Variants in ARHGAP42 observed in about 807,000 individuals in gnomAD.
ARHGAP42 encodes the protein rho GTPase-activating protein 42.
ARHGAP42 carries 63 observed loss-of-function variants against 125.0 expected under a neutral mutation model. The observed-to-expected ratio is 0.50, with a 90% CI of 0.41 to 0.62. The LOEUF (loss-of-function observed/expected upper bound fraction) is 0.62. ARHGAP42 is among the 20% of genes least tolerant of loss of function. The probability of loss-of-function intolerance (pLI) is 0.00; values close to 1 mark genes in which losing one functional copy is unlikely to be tolerated. For missense variants in ARHGAP42, 766 were observed against 1,024.2 expected, an observed-to-expected ratio of 0.75 and a Z score of 3.44; for synonymous variants, 339 against 351.0, an observed-to-expected ratio of 0.97 and a Z score of 0.38.
chr11:100,953,170 G>T (rs61567166), intron 12 of ARHGAP42, among the ~76,000 whole-genome samples: 1,547 of 152,042 alleles, frequency 0.01, 27 homozygotes, highest in African/African-American at 0.036. Flanking sequence ...CTCCCCTAAA[G>T]GTAGCATTGC....
chr11:100,840,730 G>T (rs1337144634), intron 3 of ARHGAP42: 1 of 152,136 alleles, frequency 6.6e-6, no homozygotes, highest in African/African-American at 2.4e-5. Flanking sequence ...TTCATGTAAT[G>T]CTATCCATTT....
intron 16 of ARHGAP42, among the ~76,000 whole-genome samples, chr11:100,963,324 A>G (rs1407206905): frequency 6.6e-6 from 1 of 152,226 alleles, no homozygotes; most frequent in Non-Finnish European, 1.5e-5. Context: ...GGAAGAGTTG[A>G]CATATGTTAT....
intron 1 of ARHGAP42, among the ~76,000 whole-genome samples, chr11:100,737,930 C>T (rs1715957006): frequency 6.6e-6 from 1 of 152,134 alleles, no homozygotes; most frequent in African/African-American, 2.4e-5. Context: ...GGCACGTGGT[C>T]ATTTCTTTTT....
intron 1 of ARHGAP42, among the ~76,000 whole-genome samples, chr11:100,761,772 G>C (rs1316722992): frequency 6.6e-6 from 1 of 152,248 alleles, no homozygotes; most frequent in East Asian, 1.9e-4. Context: ...TTCATATTCT[G>C]TATTTGCCAT....
In ARHGAP42 at chr11:100,889,477, G is replaced by A. The variant is rs1326380493; in HGVS notation, c.385-23975G>A. 1.1e-4 allele frequency among the ~76,000 whole-genome samples: 16 copies of A among 152,130 alleles called. 1 individual carries two copies. Among genetic ancestry groups the A allele is most frequent in the Admixed American group, 1.0e-3 (16 of 15,274 alleles). On this transcript the variant is annotated intron_variant, in intron 4 of 23. Transcript: ENST00000298815. ...CTCCCAGGATACCAAACCTCCTACT[G>A]CCTTCATCTTGGACTTCTCACTTCC...
At chr11:100,796,858 C>G (rs1863729841) in intron 3 of ARHGAP42, among the ~76,000 whole-genome samples, 1 of 150,844 alleles carries the variant, frequency 6.6e-6, no homozygotes, top group Admixed American at 6.6e-5. Flanking sequence ...CAACCTCTGC[C>G]TCCTGGGTTC....
chr11:100,939,988 C>G (rs922635022), intron 8 of ARHGAP42, among the ~76,000 whole-genome samples: 2 of 152,190 alleles, frequency 1.3e-5, no homozygotes, highest in Middle Eastern at 3.2e-3. Flanking sequence ...TATCCAGTCA[C>G]TTTCCACTAA....
intron 1 of ARHGAP42, among the ~76,000 whole-genome samples, chr11:100,748,378 C>T (rs558392946): frequency 2.6e-4 from 39 of 152,242 alleles, no homozygotes; most frequent in African/African-American, 3.6e-4. Flanking sequence ...CTCAATCACC[C>T]GACTGTCCTG....
chr11:100,906,338 G>A (rs147784393), intron 4 of ARHGAP42, among the ~76,000 whole-genome samples: 33 of 152,244 alleles, frequency 2.2e-4, no homozygotes, highest in Admixed American at 2.1e-3. Context: ...AGCTAGGTTT[G>A]AATGAATTAG....
chr11:100,719,849 G>GATA (rs1053790395), intron 1 of ARHGAP42, among the ~76,000 whole-genome samples: 5 of 152,202 alleles, frequency 3.3e-5, no homozygotes, highest in Non-Finnish European at 5.9e-5. Context: ...CTTGAAAAGA[G>GATA]AGAAGAAGCA....
intron 1 of ARHGAP42, among the ~76,000 whole-genome samples, chr11:100,764,831 G>A (rs566456469): frequency 2.6e-4 from 39 of 152,248 alleles, no homozygotes; most frequent in South Asian, 4.2e-4. Context: ...GTTTCCTACC[G>A]TTAATATACT....
intron 1 of ARHGAP42, among the ~76,000 whole-genome samples, chr11:100,769,318 G>A (rs1284222180): frequency 1.3e-5 from 2 of 152,148 alleles, no homozygotes; most frequent in East Asian, 3.8e-4. Context: ...GGTGGGGCTT[G>A]GATTTCCACC....
chr11:100,929,722 C>T (rs1280496500), intron 6 of ARHGAP42, among the ~76,000 whole-genome samples: 2 of 152,266 alleles, frequency 1.3e-5, no homozygotes, highest in Admixed American at 6.5e-5. Context: ...AATGCCTATT[C>T]AATTTCTTTG....
At chr11:100,936,379 A>G (rs1193556614) in intron 8 of ARHGAP42, 47 bp downstream of exon 8, 7 of 1,549,306 alleles carry the variant, frequency 4.5e-6, no homozygotes, top group Admixed American at 2.0e-5. Flanking sequence ...CTTAGCCACG[A>G]TCATGAGATG....
At chr11:100,722,352 A>T (rs1742342371) in intron 1 of ARHGAP42, among the ~76,000 whole-genome samples, 1 of 149,654 alleles carries the variant, frequency 6.7e-6, no homozygotes, top group Non-Finnish European at 1.5e-5. Flanking sequence ...TAAGTCCTTC[A>T]TCAGATATGT....
chr11:100,844,468 G>T (rs573979126), intron 3 of ARHGAP42, among the ~76,000 whole-genome samples: 19 of 152,148 alleles, frequency 1.2e-4, no homozygotes, highest in Middle Eastern at 3.4e-3. Context: ...AAACTAAAAA[G>T]CTTTTGCACA....
At position 100,992,463 on chromosome 11, in the gene ARHGAP42, C is replaced by T; in HGVS notation, c.*3662C>T. 6.2e-7 allele frequency: 1 copy of T among 1,614,058 alleles called. No individual in the cohort carries two copies. Among genetic ancestry groups the T allele is most frequent in the Non-Finnish European group, 8.5e-7 (1 of 1,179,968 alleles). ...TTGCTATTTAACTTTGCCTCCTACC[C>T]TTTTTTGTTACCTTCCAAAATCAAG... On this transcript the variant is annotated 3_prime_UTR_variant, in exon 24 of 24. Transcript: ENST00000298815.
chr11:100,782,698 T>C (rs1027362204), intron 2 of ARHGAP42, among the ~76,000 whole-genome samples: 11 of 152,160 alleles, frequency 7.2e-5, no homozygotes, highest in African/African-American at 2.2e-4. Flanking sequence ...GAGTAATTTC[T>C]TTGTCAAGGA....
At chr11:100,866,325 G>A (rs1409172915) in intron 4 of ARHGAP42, among the ~76,000 whole-genome samples, 2 of 152,068 alleles carry the variant, frequency 1.3e-5, no homozygotes, top group Non-Finnish European at 2.9e-5. Flanking sequence ...AATCCATAAG[G>A]CTTAGAATCA....
Sources: gnomAD v4.1 joint callset for allele counts (sites outside exome capture counted in the v4.1 genomes callset) on GRCh38, gnomAD v4.1.1 for gene constraint, MANE v1.5 for transcripts, NCBI Gene and HGNC (gene_info 2026-07-23, HGNC 2026-07-21) for gene names.